MAST4: variants seen among roughly 807,000 people sequenced by gnomAD.
MAST4 encodes microtubule-associated serine/threonine-protein kinase 4.
Under a neutral mutation model 162.7 loss-of-function variants are expected in MAST4, and 89 were observed. That is an observed-to-expected ratio of 0.55 (90% CI 0.46 to 0.65). The LOEUF is 0.65. Among genes scored for constraint, MAST4 ranks in the 30% least tolerant of loss-of-function variants. MAST4 has a pLI of 0.00. For synonymous variants in MAST4, 1,479 were observed against 1,361.1 expected, an observed-to-expected ratio of 1.09 and a Z score of -1.91; for missense variants, 3,153 against 3,374.0, an observed-to-expected ratio of 0.93 and a Z score of 1.62.
chr5:66,996,718 T>C (rs953523291), intron 4 of MAST4, among the ~76,000 whole-genome samples: 2 of 152,192 alleles, frequency 1.3e-5, no homozygotes, highest in African/African-American at 4.8e-5. Flanking sequence ...TAGCATCTCA[T>C]TTCAGTGCCA....
At chr5:66,968,511 G>A (rs186147697) in intron 4 of MAST4, among the ~76,000 whole-genome samples, 15 of 152,224 alleles carry the variant, frequency 9.9e-5, no homozygotes, top group East Asian at 5.8e-4. Context: ...ACTCCACAAG[G>A]ACAACCATTT....
At chr5:66,646,355 A>G (rs1376356531) in intron 1 of MAST4, among the ~76,000 whole-genome samples, 1 of 152,124 alleles carries the variant, frequency 6.6e-6, no homozygotes, top group Non-Finnish European at 1.5e-5. Context: ...TGACAGCAAC[A>G]TAGCAACATA....
At chr5:66,733,904 T>C (rs3096192) in intron 1 of MAST4, among the ~76,000 whole-genome samples, 115,703 of 152,116 alleles carry the variant, frequency 0.76, 45,176 homozygotes, top group African/African-American at 0.92. Flanking sequence ...TAGTATGGTT[T>C]GCAGTTAAAT....
At chr5:67,104,061 A>G (rs769437846) in intron 9 of MAST4, among the ~76,000 whole-genome samples, 2 of 152,166 alleles carry the variant, frequency 1.3e-5, no homozygotes, top group Non-Finnish European at 2.9e-5. Flanking sequence ...TAGCTTCACA[A>G]AAAAATTGAG....
rs536433818 is a variant in MAST4, at chr5:66,798,551, C to T, written c.642+9757C>T. On this transcript the variant is annotated intron_variant, in intron 3 of 28. Transcript: ENST00000403625. Reference sequence around the variant, plus strand: ...TTTCCAAGATGATTCACCAACAAAACTTGAATTCTTCTCTGGATGGCGTAT... The same window carrying T: ...TTTCCAAGATGATTCACCAACAAAATTTGAATTCTTCTCTGGATGGCGTAT... Among the ~76,000 whole-genome samples the T allele has an allele frequency of 3.9e-5, 6 of 152,278 alleles. No individual in the cohort carries two copies. The South Asian group carries it at 1.2e-3, about 32-fold the overall frequency.
At chr5:67,020,121 A>G (rs1462852281) in intron 4 of MAST4, among the ~76,000 whole-genome samples, 2 of 152,190 alleles carry the variant, frequency 1.3e-5, no homozygotes, top group African/African-American at 4.8e-5. Flanking sequence ...TTACCTCTAC[A>G]GTGTCTTTTT....
intron 19 of MAST4, among the ~76,000 whole-genome samples, chr5:67,141,211 A>G (rs1262403669): frequency 1.3e-5 from 2 of 152,348 alleles, no homozygotes; most frequent in East Asian, 3.9e-4. Flanking sequence ...ACTTGCACCT[A>G]GCAGAGATCT....
intron 1 of MAST4, among the ~76,000 whole-genome samples, chr5:66,652,711 C>G (rs915156194): frequency 1.1e-4 from 16 of 151,992 alleles, no homozygotes; most frequent in African/African-American, 3.9e-4. Context: ...AATTCATTTG[C>G]CTAAATGTTG....
intron 4 of MAST4, among the ~76,000 whole-genome samples, chr5:67,007,455 C>T (rs1281236029): frequency 6.6e-6 from 1 of 152,176 alleles, no homozygotes; most frequent in Non-Finnish European, 1.5e-5. Context: ...AAACTTAGTT[C>T]CTCTCCTGCA....
At chr5:66,661,572 T>G (rs1024762074) in intron 1 of MAST4, among the ~76,000 whole-genome samples, 8 of 152,222 alleles carry the variant, frequency 5.3e-5, no homozygotes, top group Non-Finnish European at 1.2e-4. Flanking sequence ...AAGGAGGATA[T>G]TTGGTGACTG....
intron 4 of MAST4, among the ~76,000 whole-genome samples, chr5:66,985,206 G>C (rs1205578868): frequency 2.6e-5 from 4 of 152,154 alleles, no homozygotes; most frequent in Admixed American, 2.6e-4. Flanking sequence ...TCACACAGGA[G>C]AGTGGTCTTC....
intron 1 of MAST4, among the ~76,000 whole-genome samples, chr5:66,689,203 C>G (rs1748882715): frequency 6.6e-6 from 1 of 151,936 alleles, no homozygotes; most frequent in Non-Finnish European, 1.5e-5. Context: ...TTGTGAAGAC[C>G]ATTAATTGGC....
At chr5:66,912,506 TGAC>T (rs1763842729) in intron 4 of MAST4, among the ~76,000 whole-genome samples, 2 of 152,336 alleles carry the variant, frequency 1.3e-5, no homozygotes, top group South Asian at 4.1e-4. Context: ...AAAATGCACT[TGAC>T]ATCATACACT....
chr5:66,865,695 C>T (rs1460248429), intron 3 of MAST4, among the ~76,000 whole-genome samples: 2 of 152,180 alleles, frequency 1.3e-5, no homozygotes, highest in African/African-American at 4.8e-5. Context: ...TGTCTCATCA[C>T]AGTCTAAAAA....
intron 10 of MAST4, 49 bp from the exon 11 acceptor site, chr5:67,110,049 T>C (rs1212827316): frequency 7.3e-7 from 1 of 1,368,192 alleles, no homozygotes; most frequent in Non-Finnish European, 1.0e-6. Flanking sequence ...TTCTTTTCCA[T>C]TTAATGGAAC....
At chr5:67,102,192 AGTTTGTTAATT>A (rs1296222531) in intron 8 of MAST4, among the ~76,000 whole-genome samples, 1 of 151,976 alleles carries the variant, frequency 6.6e-6, no homozygotes, top group African/African-American at 2.4e-5. Flanking sequence ...TTTATTTTGC[AGTTTGTTAATT>A]GTTTTCCAGA....
At chr5:66,853,216 A>C (rs1354872365) in intron 3 of MAST4, among the ~76,000 whole-genome samples, 3 of 152,244 alleles carry the variant, frequency 2.0e-5, no homozygotes, top group Admixed American at 2.0e-4. Context: ...AAAAGCCTGC[A>C]TAACCAGTGT....
At chr5:66,843,832 T>C (rs1367986322) in intron 3 of MAST4, among the ~76,000 whole-genome samples, 1 of 152,140 alleles carries the variant, frequency 6.6e-6, no homozygotes, top group East Asian at 1.9e-4. Flanking sequence ...TATTAGCGGC[T>C]CATACTTGGA....
intron 3 of MAST4, chr5:66,828,986 A>T (rs750521143): frequency 1.5e-5 from 14 of 926,418 alleles, no homozygotes; most frequent in Non-Finnish European, 2.2e-5. Flanking sequence ...ATATGTGCAT[A>T]ATTCTTAGTA....
Sources: allele counts gnomAD v4.1 joint callset (sites outside exome capture counted in the v4.1 genomes callset), GRCh38; gene constraint gnomAD v4.1.1; transcripts MANE v1.5; gene names NCBI Gene and HGNC (gene_info 2026-07-23, HGNC 2026-07-21).